The following SART3 variants were observed in gnomAD, a reference collection of about 807,000 sequenced individuals.
The protein encoded by SART3 is spliceosome associated factor 3, U4/U6 recycling protein.
Under a neutral mutation model 122.3 loss-of-function variants are expected in SART3, and 44 were observed. The observed-to-expected ratio is 0.36, with a 90% CI of 0.28 to 0.46. SART3 has a LOEUF of 0.46. Ranked by LOEUF, SART3 falls within the 20% of genes least tolerant of loss-of-function variation. SART3 has a pLI of 1.00. For missense variants in SART3, 1,101 were observed against 1,229.0 expected (o/e 0.90, Z 1.56); for synonymous variants, 442 against 454.0 (o/e 0.97, Z 0.34).
In SART3 at chr12:108,530,290, G is replaced by T. The variant is rs1441780937; in HGVS notation, c.1767C>A (p.Ala589=). The T allele has an allele frequency of 1.2e-6, 2 of 1,613,908 alleles. No homozygotes were observed. Among genetic ancestry groups the T allele is most frequent in the African/African-American group, 2.7e-5 (2 of 74,882 alleles). ...CCTTTTCTTCTTCTTGCTGCACAAG[G>T]GCTGCTTCCTTCTCTGCAGCCTAGA... ...QRMKAAEKEA[A]LVQQEEEKAE... is the part of the protein sequence containing the mutation. Residue 589 remains alanine (A), a synonymous_variant, in exon 15 of 19, where the codon GCC becomes GCA. Transcript: ENST00000546815.
chr12:108,532,995 T>C (rs1234483654), intron 12 of SART3, among the ~76,000 whole-genome samples: 2 of 152,206 alleles, frequency 1.3e-5, no homozygotes, highest in East Asian at 1.9e-4. Context: ...TTTTGTACAC[T>C]GCTAATCACA....
Position 108,545,166 on chromosome 12 carries a change from A to T in SART3, c.702T>A (p.Phe234Leu). 6.2e-7 allele frequency: 1 copy of T among 1,614,012 alleles called. No homozygotes were observed. The change falls in exon 4 of 19, where the codon TTT becomes TTA. Residue 234 changes from phenylalanine to leucine, a missense_variant. This residue lies in a region of SART3 where 885 missense variants were observed against 1,080.1 expected (regional missense o/e 0.82). Transcript: ENST00000546815. ...GLALWEAYRE[F>L]ESAIVEAARL... Reference sequence around the variant, plus strand: ...GAGCAGCTTCCACAATCGCACTTTCAAACTCTCGGTAAGCCTCCCAGAGGG... The same window carrying T: ...GAGCAGCTTCCACAATCGCACTTTCTAACTCTCGGTAAGCCTCCCAGAGGG...
intron 1 of SART3, 52 bp from the exon 2 acceptor site, chr12:108,549,266 T>G: frequency 6.2e-7 from 1 of 1,601,366 alleles, no homozygotes; most frequent in Non-Finnish European, 8.5e-7. Flanking sequence ...TCAAGTAACT[T>G]AGCTTTTGTC....
intron 8 of SART3, 115 bp from the exon 9 acceptor site, chr12:108,537,710 C>A (rs981528275): frequency 1.2e-6 from 1 of 804,858 alleles, no homozygotes; most frequent in Non-Finnish European, 2.1e-6. Context: ...ATAGATGCAA[C>A]AGAATGAAAT....
chr12:108,549,212 CAACT>C lies in SART3; in HGVS notation c.313-2_314del. 1.9e-6 allele frequency: 3 copies of C among 1,614,086 alleles called. No homozygotes were observed. Among genetic ancestry groups the C allele is most frequent in the East Asian group, 4.5e-5 (2 of 44,878 alleles). On this transcript the variant is annotated splice_acceptor_variant and coding_sequence_variant, in exon 2 of 19. Transcript: ENST00000546815. LOFTEE classifies it high-confidence loss of function. ...AGTTGTAGTCATAGACGTTGATAGA[CAACT>C]AACAGGAAAAGAAACAAGTTGAAAT...
At chr12:108,545,705 C>G (rs751592616) in intron 3 of SART3, among the ~76,000 whole-genome samples, 25 of 152,242 alleles carry the variant, frequency 1.6e-4, no homozygotes, top group African/African-American at 5.8e-4. Context: ...CGGTGGCTCA[C>G]GCCTGTAATC....
At position 108,535,487 on chromosome 12, in the gene SART3, C is replaced by T; in HGVS notation, c.1447-19G>A. On this transcript the variant is annotated intron_variant, in intron 11 of 18. Transcript: ENST00000546815. ...GTCGAGCCTAAAGTGCATCAGCAGG[C>T]TGTTAGGAGACCTGAACCTTATGAC... is the stretch of plus-strand genomic sequence containing the variant. 6.2e-7 allele frequency: 1 copy of T among 1,602,164 alleles called. No homozygotes were observed. The highest frequency in any genetic ancestry group is 8.6e-7 in the Non-Finnish European group (1 of 1,169,112).
Position 108,522,556 on chromosome 12 carries a change from TAAATC to T in SART3, c.*896_*900del. On this transcript the variant is annotated 3_prime_UTR_variant, in exon 19 of 19. Coordinates refer to ENST00000546815, the MANE Select transcript of SART3 (RefSeq NM_014706.4). The stretch of plus-strand genomic sequence containing the variant: ...AAGACACATCACAGCTGGAATAATT[TAAATC>T]AAAGTGACAATGGGATTTGACTTAC... The T allele has an allele frequency of 6.6e-6, 1 of 152,264 alleles. No homozygotes were observed. The highest frequency in any genetic ancestry group is 1.5e-5 in the Non-Finnish European group (1 of 68,046). The allele number at this position is 152,264 out of a possible 1,614,324, so 9.4% of individuals were successfully genotyped here. A position where few individuals can be genotyped will look rare whatever the true frequency, so the allele number is the denominator to read the frequency against.
At chr12:108,559,888 T>C (rs931931971) in intron 1 of SART3, among the ~76,000 whole-genome samples, 2 of 152,112 alleles carry the variant, frequency 1.3e-5, no homozygotes, top group Non-Finnish European at 2.9e-5. Flanking sequence ...TTCCCCCACC[T>C]CAATCCTTGA....
chr12:108,554,781 G>A (rs2030148403), intron 1 of SART3, among the ~76,000 whole-genome samples: 3 of 151,398 alleles, frequency 2.0e-5, no homozygotes, highest in African/African-American at 7.3e-5. Flanking sequence ...GGAGGTCTGG[G>A]GTTTTAACAA....
At chr12:108,523,925 A>C (rs1230699720) in intron 18 of SART3, 1 of 572,954 alleles carries the variant, frequency 1.7e-6, no homozygotes, top group Non-Finnish European at 3.1e-6. Context: ...CAATTCTGCT[A>C]TCTCCTCCTC....
chr12:108,526,656 CACTT>C (rs1182974622), intron 15 of SART3, 103 bp from the exon 16 acceptor site: 20 of 1,224,754 alleles, frequency 1.6e-5, no homozygotes, highest in African/African-American at 5.9e-5. Context: ...CTGCATGTGA[CACTT>C]ACTCCCTCAC....
chr12:108,554,305 A>G (rs2136694713), intron 1 of SART3: 1 of 152,310 alleles, frequency 6.6e-6, no homozygotes, highest in Middle Eastern at 3.4e-3. Context: ...GGCACACAGA[A>G]TTCAATAAAT....
intron 15 of SART3, among the ~76,000 whole-genome samples, chr12:108,528,415 G>A (rs11113976): frequency 0.053 from 8,039 of 151,394 alleles, 271 homozygotes; most frequent in African/African-American, 0.095. Flanking sequence ...CCCAGGAGGC[G>A]GAGGTTGCAG....
intron 1 of SART3, 101 bp downstream of exon 1, chr12:108,560,742 G>T: frequency 9.1e-7 from 1 of 1,098,210 alleles, no homozygotes; most frequent in Non-Finnish European, 1.3e-6. Context: ...TTGCAGCCTT[G>T]GCGGCTTTAT....
At chr12:108,528,349 G>A (rs539847755) in intron 15 of SART3, among the ~76,000 whole-genome samples, 1 of 152,162 alleles carries the variant, frequency 6.6e-6, no homozygotes, top group East Asian at 1.9e-4. Flanking sequence ...GGGCATGGTG[G>A]CTGGCAAAGT....
In SART3 at chr12:108,560,883, T is replaced by G. The variant is rs781611651; in HGVS notation, c.272A>C (p.Glu91Ala). 144 of 1,606,614 alleles carry G rather than the reference T, an allele frequency of 9.0e-5. No individual in the cohort carries two copies. Among genetic ancestry groups the G allele is most frequent in the Non-Finnish European group, 1.1e-4 (128 of 1,174,284 alleles). Residue 91 changes from glutamate to alanine, a missense_variant, in exon 1 of 19, where the codon GAG becomes GCG. Around this residue, in one of 2 missense-constraint regions of SART3, gnomAD observed 216 missense variants for 148.9 expected, o/e 1.45. Transcript: ENST00000546815. ...CTCAATCTCCAGCTGGTTTTTCTCC[T>G]CCTCTTCGTCATATTCCCACTCGTA... Reference protein sequence around the residue: ...GEYEWEYDEEEEKNQLEIERL... With the variant: ...GEYEWEYDEEAEKNQLEIERL...
intron 6 of SART3, chr12:108,542,735 G>T: frequency 2.1e-6 from 1 of 469,704 alleles, no homozygotes; most frequent in South Asian, 1.7e-5. Context: ...GAAAAGCAAG[G>T]GAATTATCAT....
chr12:108,525,935 G>C, intron 16 of SART3, 164 bp downstream of exon 16: 1 of 661,198 alleles, frequency 1.5e-6, no homozygotes, highest in South Asian at 1.9e-5. Flanking sequence ...CCATGAGTCA[G>C]ACCTCAGTCA....
Sources: gnomAD v4.1 joint callset for allele counts (sites outside exome capture counted in the v4.1 genomes callset) on GRCh38, gnomAD v4.1.1 for gene constraint, gnomAD v4.1.1 regional missense constraint, MANE v1.5 for transcripts, NCBI Gene and HGNC (gene_info 2026-07-23, HGNC 2026-07-21) for gene names.